Variants in PDE1C observed in about 807,000 individuals in gnomAD.
The protein encoded by PDE1C is phosphodiesterase 1C, also known as dual specificity calcium/calmodulin-dependent 3',5'-cyclic nucleotide phosphodiesterase 1C.
Under a neutral mutation model 93.1 loss-of-function variants are expected in PDE1C, and 62 were observed. The ratio of observed to expected loss-of-function variants is 0.67; its 90% CI spans 0.54 to 0.82. PDE1C has a LOEUF of 0.82. PDE1C is among the 40% of genes least tolerant of loss of function. The probability of loss-of-function intolerance (pLI) is 0.00; values close to 1 mark genes in which losing one functional copy is unlikely to be tolerated. For synonymous variants in PDE1C, 325 were observed against 310.1 expected, an observed-to-expected ratio of 1.05 and a Z score of -0.50; for missense variants, 742 against 884.6, an observed-to-expected ratio of 0.84 and a Z score of 2.04.
chr7:31,625,464 C>T, the PDE1C span, among the ~76,000 whole-genome samples: 3 of 152,046 alleles, frequency 2.0e-5, no homozygotes, highest in South Asian at 2.1e-4. Context: ...GAGTTCATGT[C>T]CTTTGTAGGG....
At chr7:32,013,797 T>C (rs1787487813) in intron 2 of PDE1C, among the ~76,000 whole-genome samples, 1 of 152,236 alleles carries the variant, frequency 6.6e-6, no homozygotes. Context: ...GGTCTTTGAA[T>C]ACATTTTGCT....
chr7:31,783,491 AG>A (rs1207527972), intron 16 of PDE1C: 2 of 152,150 alleles, frequency 1.3e-5, no homozygotes, highest in African/African-American at 4.8e-5. Context: ...ATTCAAAGAA[AG>A]AAAAAAAAGT....
intron 16 of PDE1C, among the ~76,000 whole-genome samples, chr7:31,778,346 G>A (rs757969660): frequency 6.6e-6 from 1 of 152,162 alleles, no homozygotes; most frequent in African/African-American, 2.4e-5. Context: ...TTCTCTGCCC[G>A]AAATGCCTCT....
At chr7:32,138,784 T>C (rs914666749) in intron 3 of PDE1C, among the ~76,000 whole-genome samples, 1 of 152,224 alleles carries the variant, frequency 6.6e-6, no homozygotes, top group Non-Finnish European at 1.5e-5. Flanking sequence ...TTCTAAATGT[T>C]GACCCATAGA....
intron 17 of PDE1C, among the ~76,000 whole-genome samples, chr7:31,767,071 A>G (rs772771834): frequency 1.3e-5 from 2 of 152,200 alleles, no homozygotes; most frequent in Non-Finnish European, 2.9e-5. Context: ...TTTTAAAAGC[A>G]AGTTGAAGCC....
At chr7:31,643,753 A>T in the PDE1C span, 4 of 1,613,840 alleles carry the variant, frequency 2.5e-6, no homozygotes, top group South Asian at 2.2e-5. Flanking sequence ...TATCTGCCCA[A>T]TGGGCACCTG....
At chr7:31,827,875 T>C (rs1413072661) in intron 12 of PDE1C, among the ~76,000 whole-genome samples, 1 of 152,120 alleles carries the variant, frequency 6.6e-6, no homozygotes, top group Non-Finnish European at 1.5e-5. Flanking sequence ...GATCCATTCA[T>C]GGAAGTAGAT....
intron 1 of PDE1C, among the ~76,000 whole-genome samples, chr7:32,056,288 T>C (rs998699862): frequency 6.7e-5 from 10 of 149,160 alleles, no homozygotes; most frequent in African/African-American, 2.5e-4. Flanking sequence ...AGTGGCACTT[T>C]GCAAAGTCTG....
At chr7:31,699,930 T>C in the PDE1C span, among the ~76,000 whole-genome samples, 1 of 152,128 alleles carries the variant, frequency 6.6e-6, no homozygotes, top group Admixed American at 6.5e-5. Flanking sequence ...ATGCGTTCTG[T>C]CTGTTCCACT....
chr7:32,354,728 ATG>A (rs1038239368), intron 1 of PDE1C, among the ~76,000 whole-genome samples: 1 of 126,558 alleles, frequency 7.9e-6, no homozygotes, highest in African/African-American at 3.2e-5. Flanking sequence ...ATTGCCACTC[ATG>A]TGTAATTTGG....
chr7:32,344,255 T>C (rs1783810333), intron 1 of PDE1C, among the ~76,000 whole-genome samples: 1 of 151,980 alleles, frequency 6.6e-6, no homozygotes, highest in Non-Finnish European at 1.5e-5. Flanking sequence ...TTCATTCTTT[T>C]GTAGAGAGGG....
At chr7:32,186,403 T>C (rs1407219512) in intron 2 of PDE1C, among the ~76,000 whole-genome samples, 7 of 151,768 alleles carry the variant, frequency 4.6e-5, no homozygotes, top group Non-Finnish European at 1.0e-4. Context: ...CGCCCGGCCC[T>C]AATTTGTTTT....
chr7:32,120,017 C>T (rs1413447280), intron 3 of PDE1C, among the ~76,000 whole-genome samples: 3 of 152,200 alleles, frequency 2.0e-5, no homozygotes, highest in Non-Finnish European at 4.4e-5. Flanking sequence ...GGCAGCATCC[C>T]TCTCTATAGC....
chr7:32,074,137 G>A (rs1276890251), upstream of PDE1C, among the ~76,000 whole-genome samples: 1 of 152,098 alleles, frequency 6.6e-6, no homozygotes, highest in Non-Finnish European at 1.5e-5. Flanking sequence ...CCTCTGCACT[G>A]TCAGAATTAA....
At chr7:32,366,304 G>A (rs1784227861) in intron 1 of PDE1C, among the ~76,000 whole-genome samples, 1 of 152,116 alleles carries the variant, frequency 6.6e-6, no homozygotes, top group Non-Finnish European at 1.5e-5. Flanking sequence ...ACAATTGAGA[G>A]CTTTGACAAC....
chr7:31,895,511 C>G (rs1438965600), intron 2 of PDE1C, among the ~76,000 whole-genome samples: 1 of 151,720 alleles, frequency 6.6e-6, no homozygotes, highest in Non-Finnish European at 1.5e-5. Flanking sequence ...AAGTGAGTTA[C>G]CTAAAAAGAA....
chr7:32,085,373 C>A (rs1797002616), intron 3 of PDE1C, among the ~76,000 whole-genome samples: 1 of 139,290 alleles, frequency 7.2e-6, no homozygotes. Flanking sequence ...AGCTTACCAA[C>A]CAAAAAGAGT....
intron 6 of PDE1C, among the ~76,000 whole-genome samples, chr7:31,872,770 T>C (rs2191869): frequency 0.28 from 42,967 of 151,952 alleles, 7,924 homozygotes; most frequent in African/African-American, 0.51. Context: ...ACACTGGAAA[T>C]GATTCAAGTT....
At chr7:31,935,053 T>C (rs1319043347) in intron 2 of PDE1C, among the ~76,000 whole-genome samples, 1 of 119,920 alleles carries the variant, frequency 8.3e-6, no homozygotes, top group Non-Finnish European at 2.1e-5. Context: ...TAACAAATTG[T>C]TTTTATCTTA....
Sources: allele counts gnomAD v4.1 joint callset (sites outside exome capture counted in the v4.1 genomes callset), GRCh38; gene constraint gnomAD v4.1.1; transcripts MANE v1.5; gene names NCBI Gene and HGNC (gene_info 2026-07-23, HGNC 2026-07-21).